The following TTI1 variants were observed in gnomAD, a reference collection of about 807,000 sequenced individuals.
TTI1 encodes TELO2 interacting protein 1, also known as TELO2-interacting protein 1 homolog.
A neutral mutation model predicts 85.4 loss-of-function variants in TTI1; 52 were observed. That is an observed-to-expected ratio of 0.61 (90% CI 0.49 to 0.77). TTI1 has a LOEUF of 0.77. TTI1 is among the 30% of genes least tolerant of loss of function. TTI1 has a pLI of 0.00. For synonymous variants in TTI1, 512 were observed against 503.9 expected, an observed-to-expected ratio of 1.02 and a Z score of -0.22; for missense variants, 1,173 against 1,296.0, an observed-to-expected ratio of 0.91 and a Z score of 1.46.
chr20:38,006,147 T>C (rs770899547), intron 3 of TTI1, 50 bp downstream of exon 3: 10 of 1,598,896 alleles, frequency 6.3e-6, no homozygotes, highest in African/African-American at 2.7e-5. Context: ...ATTTTTACAA[T>C]AATCTGTTTC....
chr20:37,992,344 C>T (rs903521197), intron 7 of TTI1, among the ~76,000 whole-genome samples: 1 of 152,024 alleles, frequency 6.6e-6, no homozygotes, highest in Non-Finnish European at 1.5e-5. Context: ...GGTGTGATCA[C>T]GGCTCACTAT....
At chr20:37,996,651 A>C (rs1600613487) in intron 6 of TTI1, 98 bp downstream of exon 6, 2 of 1,410,502 alleles carry the variant, frequency 1.4e-6, no homozygotes, top group East Asian at 4.6e-5. Context: ...AGGTACACAG[A>C]GGGGAGGGGA....
chr20:38,017,916 G>A (rs1375204442), intron 1 of TTI1, among the ~76,000 whole-genome samples: 3 of 152,168 alleles, frequency 2.0e-5, no homozygotes, highest in Non-Finnish European at 2.9e-5. Context: ...AAGTAAGTTT[G>A]GGGCTTACCA....
chr20:37,999,245 G>A lies in TTI1; in HGVS notation c.2736C>T (p.Pro912=). Residue 912 remains proline (P), a synonymous_variant, in exon 5 of 8, where the codon CCC becomes CCT. Coordinates refer to ENST00000373447, the MANE Select transcript of TTI1 (RefSeq NM_001303457.2). The part of the protein sequence containing the change: ...QLLPLAHQAW[P]SLVHRLTRDA... ...CCCGTGTGAGTCGGTGAACGAGCGA[G>A]GGCCAGGCCTGATGAGCCAAGGGAA... 6.5e-7 allele frequency: 1 copy of A among 1,527,350 alleles called. No individual in the cohort carries two copies. Among genetic ancestry groups the A allele is most frequent in the African/African-American group, 1.4e-5 (1 of 71,140 alleles). 94.6% of individuals were successfully genotyped at this position (1,527,350 alleles called of 1,614,324 possible).
intron 4 of TTI1, among the ~76,000 whole-genome samples, chr20:38,001,803 C>T (rs1198758584): frequency 1.3e-5 from 2 of 152,178 alleles, no homozygotes; most frequent in Non-Finnish European, 2.9e-5. Context: ...ACCACAACCT[C>T]TGCCTCCTGG....
intron 7 of TTI1, among the ~76,000 whole-genome samples, 164 bp downstream of exon 7, chr20:37,996,211 T>A (rs2073335868): frequency 6.6e-6 from 1 of 152,144 alleles, no homozygotes; most frequent in South Asian, 2.1e-4. Context: ...GAGAAACACA[T>A]CTAGTAAAAA....
In TTI1 at chr20:38,031,680, G is replaced by C. The variant is rs186633193; in HGVS notation, c.-42+1724C>G. Among the ~76,000 whole-genome samples, 6 of 152,318 alleles carry C rather than the reference G, an allele frequency of 3.9e-5. 1 individual carries two copies. The highest frequency in any genetic ancestry group is 3.9e-4 in the East Asian group (2 of 5,184). ...AGCTTAGAAGAGTGCTTTGGACATAGGTGCTGAAAAATTATTTTCCGAATG... is the reference window on the plus strand; with the variant it reads ...AGCTTAGAAGAGTGCTTTGGACATACGTGCTGAAAAATTATTTTCCGAATG... On this transcript the variant is annotated intron_variant, in intron 1 of 7. Coordinates refer to ENST00000373447, the MANE Select transcript of TTI1 (RefSeq NM_001303457.2).
intron 1 of TTI1, among the ~76,000 whole-genome samples, chr20:38,026,537 GAAAC>G (rs1490918016): frequency 4.6e-5 from 7 of 152,318 alleles, no homozygotes; most frequent in Non-Finnish European, 7.4e-5. Flanking sequence ...TTCAGGTGCT[GAAAC>G]AAACAAACAG....
chr20:37,989,697 C>T (rs941750132), intron 7 of TTI1, among the ~76,000 whole-genome samples: 1 of 152,234 alleles, frequency 6.6e-6, no homozygotes, highest in South Asian at 2.1e-4. Context: ...TCTCGGGCCA[C>T]ATTGTTTCCT....
At position 38,012,788 on chromosome 20, in the gene TTI1, C is replaced by G. The variant is rs200655562; in HGVS notation, c.1029G>C (p.Glu343Asp). 1.3e-4 allele frequency: 208 copies of G among 1,614,068 alleles called. No individual in the cohort carries two copies. The highest frequency in any genetic ancestry group is 1.7e-4 in the Non-Finnish European group (200 of 1,180,050). The change falls in exon 2 of 8, where the codon GAG becomes GAC. Residue 343 changes from glutamate (E) to aspartate (D), a missense_variant. By Grantham distance (45) the Glu-to-Asp change is conservative. Coordinates refer to ENST00000373447, the MANE Select transcript of TTI1 (RefSeq NM_001303457.2). ...LKALVGLVND[E>D]SPEIQAQCNK... ...TGCACTGGGCTTGGATTTCAGGACT[C>G]TCATCATTTACTAGTCCCACTAAGG...
intron 7 of TTI1, among the ~76,000 whole-genome samples, chr20:37,993,586 G>C (rs2073296348): frequency 6.6e-6 from 1 of 152,102 alleles, no homozygotes; most frequent in Non-Finnish European, 1.5e-5. Flanking sequence ...CTGCCAGAGG[G>C]GCCCACAGAC....
rs1279552871 is a variant in TTI1, at chr20:38,020,350, A to ATATG, written c.-41-6497_-41-6494dup. Among the ~76,000 whole-genome samples the ATATG allele has an allele frequency of 2.1e-4, 26 of 125,848 alleles. No individual in the cohort carries two copies. In the East Asian group the frequency reaches 3.0e-3, roughly 15 times the overall value. The allele number at this position is 125,848 out of a possible 152,430, so 82.6% of individuals were successfully genotyped here. ...TATATATATATATATATATATATAT[A>ATATG]TATGTATGTATCTTGATTCCATCAC... On this transcript the variant is annotated intron_variant, in intron 1 of 7. Transcript: ENST00000373447.
intron 1 of TTI1, among the ~76,000 whole-genome samples, chr20:38,029,329 T>C (rs1156818742): frequency 6.6e-6 from 1 of 151,850 alleles, no homozygotes; most frequent in East Asian, 1.9e-4. Context: ...TGTAAATTAA[T>C]AGTACTAAGT....
rs559132978 is a variant in TTI1 at position 38,016,461 on chromosome 20, T to G, written c.-41-2604A>C. Among the ~76,000 whole-genome samples, 118 of 152,294 alleles carry G rather than the reference T, an allele frequency of 7.7e-4. 1 individual carries two copies. Among genetic ancestry groups the G allele is most frequent in the African/African-American group, 2.6e-3 (110 of 41,572 alleles). The stretch of plus-strand genomic sequence containing the variant: ...ACAGGGTGGTGGTTCCTAAACTACA[T>G]TCTCAGATTATATAACAAAAACCGT... On this transcript the variant is annotated intron_variant, in intron 1 of 7. Transcript: ENST00000373447.
rs760905725 is a variant in TTI1, at chr20:38,002,619, C to T, written c.2652+9G>A. 6.8e-6 allele frequency: 11 copies of T among 1,613,898 alleles called. No individual in the cohort carries two copies. The highest frequency in any genetic ancestry group is 4.4e-5 in the South Asian group (4 of 91,080). The stretch of plus-strand genomic sequence containing the variant: ...CTCTGGGAATGCAGAGAAGCAGCTG[C>T]GCACTGACCTTCAGGCGGATTTGCA... On this transcript the variant is annotated intron_variant, in intron 4 of 7. Coordinates refer to ENST00000373447, the MANE Select transcript of TTI1 (RefSeq NM_001303457.2).
chr20:38,013,337 G>A lies in TTI1; in HGVS notation c.480C>T (p.Gly160=), dbSNP rs772608483. Residue 160 remains glycine (G), a synonymous_variant, in exon 2 of 8, where the codon GGC becomes GGT. Coordinates refer to ENST00000373447, the MANE Select transcript of TTI1 (RefSeq NM_001303457.2). ...RLGFAVSLLL[G]LAEQEKSKQI... ...GCTTTGATTTCTCCTGTTCTGCAAG[G>A]CCTAACAGTAAAGATACAGCAAATC... 5.6e-6 allele frequency: 9 copies of A among 1,614,068 alleles called. No individual in the cohort carries two copies. The South Asian group carries it at 8.8e-5, about 16-fold the overall frequency.
chr20:38,019,907 T>C (rs2073738959), intron 1 of TTI1, among the ~76,000 whole-genome samples: 1 of 152,190 alleles, frequency 6.6e-6, no homozygotes, highest in Admixed American at 6.5e-5. Context: ...CTCCAGACAT[T>C]GCTAGATGTC....
At position 38,016,812 on chromosome 20, in the gene TTI1, G is replaced by A. The variant is rs6068505; in HGVS notation, c.-41-2955C>T. Among the ~76,000 whole-genome samples, 118 of 152,218 alleles carry A rather than the reference G, an allele frequency of 7.8e-4. 2 individuals carry two copies. The highest frequency in any genetic ancestry group is 1.6e-3 in the Admixed American group (24 of 15,292). ...ATCTTTCTAAAAGAAAAATCTGATC[G>A]CAATTCTCTAGGCTTAATTCTTAAA... On this transcript the variant is annotated intron_variant, in intron 1 of 7. Transcript: ENST00000373447.
chr20:38,016,262 T>C (rs1230582618), intron 1 of TTI1, among the ~76,000 whole-genome samples: 1 of 152,226 alleles, frequency 6.6e-6, no homozygotes, highest in Admixed American at 6.5e-5. Context: ...GAATTTTTTT[T>C]CTTTTAGTAT....
Sources: allele counts gnomAD v4.1 joint callset (sites outside exome capture counted in the v4.1 genomes callset), GRCh38; gene constraint gnomAD v4.1.1; transcripts MANE v1.5; gene names NCBI Gene and HGNC (gene_info 2026-07-23, HGNC 2026-07-21).